TEF: variants seen among roughly 807,000 people sequenced by gnomAD.
TEF encodes the protein TEF transcription factor, PAR bZIP family member, also known as thyrotroph embryonic factor.
TEF carries 3 observed loss-of-function variants against 20.8 expected under a neutral mutation model. The ratio of observed to expected loss-of-function variants is 0.14; its 90% confidence interval spans 0.07 to 0.37. The LOEUF (loss-of-function observed/expected upper bound fraction) is 0.37. Ranked by LOEUF, TEF falls within the 10% of genes least tolerant of loss-of-function variation. The pLI is 1.00. For missense variants in TEF, 296 were observed against 397.9 expected, an observed-to-expected ratio of 0.74 and a Z score of 2.18; for synonymous variants, 180 against 171.1, an observed-to-expected ratio of 1.05 and a Z score of -0.41.
intron 1 of TEF, among the ~76,000 whole-genome samples, chr22:41,376,063 G>A (rs1393685563): frequency 2.0e-5 from 3 of 152,050 alleles, no homozygotes; most frequent in Non-Finnish European, 2.9e-5. Context: ...TACTAGGTGC[G>A]GAATATATGG....
At chr22:41,379,785 C>CT (rs1322702499), upstream of TEF, among the ~76,000 whole-genome samples, 1 of 150,344 alleles carries the variant, frequency 6.7e-6, no homozygotes, top group African/African-American at 2.5e-5. Flanking sequence ...CCCAGCTATT[C>CT]GGGAAGCTGA....
chr22:41,370,769 C>T (rs182803937), intron 1 of TEF, among the ~76,000 whole-genome samples: 12 of 152,302 alleles, frequency 7.9e-5, no homozygotes, highest in African/African-American at 2.9e-4. Flanking sequence ...GGTCCCTCTC[C>T]CTCGTGCTGC....
chr22:41,386,449 A>T (rs1259332549), intron 1 of TEF, among the ~76,000 whole-genome samples: 1 of 150,890 alleles, frequency 6.6e-6, no homozygotes, highest in South Asian at 2.1e-4. Flanking sequence ...TCAAAAAAAA[A>T]AATAAAACAG....
chr22:41,384,431 A>T (rs1311515289), intron 1 of TEF, among the ~76,000 whole-genome samples: 2 of 152,150 alleles, frequency 1.3e-5, no homozygotes, highest in Non-Finnish European at 2.9e-5. Flanking sequence ...GAATAGGAGC[A>T]GTCTTTCTTC....
rs962519449 is a variant in TEF at position 41,397,178 on chromosome 22, T to C, written c.*1218T>C. 7.5e-6 allele frequency: 3 copies of C among 398,376 alleles called. No individual in the cohort carries two copies. Among genetic ancestry groups the C allele is most frequent in the African/African-American group, 2.1e-5 (1 of 48,636 alleles). The allele number at this position is 398,376 out of a possible 1,614,324, so 24.7% of individuals were successfully genotyped here. A position where few individuals can be genotyped will look rare whatever the true frequency, so the allele number is the denominator to read the frequency against. ...CGGGATAGCAGGCTCTTGGGACTTT[T>C]ACACAGGCCTAGGGTCCCCTCAGTC... is the stretch of plus-strand genomic sequence containing the variant. On this transcript the variant is annotated 3_prime_UTR_variant, in exon 4 of 4. Coordinates refer to ENST00000266304, the MANE Select transcript of TEF (RefSeq NM_003216.4).
chr22:41,369,253 A>G, intron 1 of TEF: 1 of 985,428 alleles, frequency 1.0e-6, no homozygotes, highest in African/African-American at 1.7e-5. Context: ...ATAGCCGAAA[A>G]GTCCCCCTCC....
chr22:41,367,640 A>G, intron 1 of TEF: 1 of 1,544,220 alleles, frequency 6.5e-7, no homozygotes, highest in Non-Finnish European at 8.8e-7. Context: ...CTGCCCAGGT[A>G]CTCGAGGGGG....
intron 1 of TEF, among the ~76,000 whole-genome samples, chr22:41,374,565 A>T (rs965534481): frequency 2.0e-5 from 3 of 151,618 alleles, no homozygotes; most frequent in Admixed American, 6.6e-5. Context: ...AAAAAAAAAA[A>T]ATTAGCCAGG....
At chr22:41,382,513 C>T (rs2037046482) in intron 1 of TEF, among the ~76,000 whole-genome samples, 1 of 152,092 alleles carries the variant, frequency 6.6e-6, no homozygotes, top group African/African-American at 2.4e-5. Flanking sequence ...CGGAGTCACT[C>T]GGGATGCCTG....
intron 1 of TEF, among the ~76,000 whole-genome samples, chr22:41,375,430 A>C (rs2036928114): frequency 1.3e-5 from 2 of 152,340 alleles, no homozygotes; most frequent in East Asian, 3.9e-4. Context: ...TGAATCAAAC[A>C]CAATGCCTGT....
upstream of TEF, among the ~76,000 whole-genome samples, chr22:41,379,631 G>A (rs2036989123): frequency 6.6e-6 from 1 of 152,014 alleles, no homozygotes; most frequent in Non-Finnish European, 1.5e-5. Context: ...TTGGGATGCC[G>A]AGGCGGGTGG....
chr22:41,397,316 C>G lies in TEF; in HGVS notation c.*1356C>G. 2.6e-6 allele frequency: 1 copy of G among 389,700 alleles called. No individual in the cohort carries two copies. Among genetic ancestry groups the G allele is most frequent in the East Asian group, 3.6e-5 (1 of 27,478 alleles). 24.1% of individuals were successfully genotyped at this position (389,700 alleles called of 1,614,324 possible). A position where few individuals can be genotyped will look rare whatever the true frequency, so the allele number is the denominator to read the frequency against. The stretch of plus-strand genomic sequence containing the variant: ...TTTCTCTTGTGTGGCGGGACTCGCC[C>G]TTTTGCTGTGCTCAGAAGATTCACT... On this transcript the variant is annotated 3_prime_UTR_variant, in exon 4 of 4. Coordinates refer to ENST00000266304, the MANE Select transcript of TEF (RefSeq NM_003216.4).
intron 1 of TEF, among the ~76,000 whole-genome samples, chr22:41,374,931 T>C (rs1438597102): frequency 1.3e-5 from 2 of 151,828 alleles, no homozygotes; most frequent in African/African-American, 4.8e-5. Flanking sequence ...TTGAAAAAAA[T>C]CCACATGTAA....
chr22:41,375,056 T>C (rs1485318604), intron 1 of TEF, among the ~76,000 whole-genome samples: 1 of 152,164 alleles, frequency 6.6e-6, no homozygotes, highest in Non-Finnish European at 1.5e-5. Context: ...CAGCACGTCT[T>C]TGACTGCAGA....
chr22:41,381,505 T>A (rs1431621211), upstream of TEF, among the ~76,000 whole-genome samples: 1 of 151,534 alleles, frequency 6.6e-6, no homozygotes, highest in Non-Finnish European at 1.5e-5. Context: ...TTGGCCGGCC[T>A]GGCCGCTCCG....
upstream of TEF, chr22:41,381,887 C>T (rs559985231): frequency 6.5e-6 from 8 of 1,225,466 alleles, no homozygotes; most frequent in Non-Finnish European, 7.1e-6. Context: ...GTGCCAGAGC[C>T]GGTCCGCAGG....
chr22:41,367,747 G>T, intron 1 of TEF: 1 of 733,872 alleles, frequency 1.4e-6, no homozygotes, highest in Non-Finnish European at 2.2e-6. Flanking sequence ...TGCAGAGTGC[G>T]GAGAGGGGTT....
upstream of TEF, among the ~76,000 whole-genome samples, chr22:41,379,028 G>A (rs574690061): frequency 3.3e-5 from 5 of 152,292 alleles, no homozygotes; most frequent in South Asian, 2.1e-4. Context: ...GTGCGCCTAC[G>A]CAAATTGGCT....
chr22:41,379,362 C>G (rs1391590073), upstream of TEF, among the ~76,000 whole-genome samples: 1 of 150,974 alleles, frequency 6.6e-6, no homozygotes, highest in African/African-American at 2.4e-5. Context: ...AAAAAATTAG[C>G]CGTACGTGGT....
Sources: allele counts gnomAD v4.1 joint callset (sites outside exome capture counted in the v4.1 genomes callset), GRCh38; gene constraint gnomAD v4.1.1; transcripts MANE v1.5; gene names NCBI Gene and HGNC (gene_info 2026-07-23, HGNC 2026-07-21).